ADAMTS17: variants seen among roughly 807,000 people sequenced by gnomAD.
ADAMTS17 encodes the protein A disintegrin and metalloproteinase with thrombospondin motifs 17.
Under a neutral mutation model 141.5 loss-of-function variants are expected in ADAMTS17, and 113 were observed. That is an observed-to-expected ratio of 0.80 (90% CI 0.69 to 0.93). ADAMTS17 has a LOEUF of 0.93. ADAMTS17 is among the 40% of genes least tolerant of loss of function. ADAMTS17 has a pLI of 0.00. For missense variants in ADAMTS17, 1,659 were observed against 1,517.9 expected, an observed-to-expected ratio of 1.09 and a Z score of -1.54; for synonymous variants, 768 against 630.6, an observed-to-expected ratio of 1.22 and a Z score of -3.27.
At chr15:100,311,264 G>A (rs958085165) in intron 3 of ADAMTS17, among the ~76,000 whole-genome samples, 9 of 152,284 alleles carry the variant, frequency 5.9e-5, no homozygotes, top group South Asian at 4.1e-4. Context: ...ACACTACTGC[G>A]GGAGCTGGCA....
At chr15:100,307,729 C>A (rs74903303) in intron 3 of ADAMTS17, among the ~76,000 whole-genome samples, 6 of 152,260 alleles carry the variant, frequency 3.9e-5, no homozygotes, top group Non-Finnish European at 7.4e-5. Flanking sequence ...TGTCACGTGC[C>A]GCGTGCAGTG....
chr15:100,241,520 A>T (rs2042827006), intron 7 of ADAMTS17, among the ~76,000 whole-genome samples: 1 of 152,016 alleles, frequency 6.6e-6, no homozygotes, highest in Non-Finnish European at 1.5e-5. Flanking sequence ...TTTACTTCTC[A>T]CTCATGTAAC....
At chr15:100,091,748 C>A (rs1444100334) in intron 15 of ADAMTS17, among the ~76,000 whole-genome samples, 1 of 152,194 alleles carries the variant, frequency 6.6e-6, no homozygotes, top group South Asian at 2.1e-4. Flanking sequence ...ACTCTGGCTA[C>A]GTGTACTTGG....
At chr15:100,321,100 CA>C (rs35692695) in intron 3 of ADAMTS17, among the ~76,000 whole-genome samples, 1 of 151,836 alleles carries the variant, frequency 6.6e-6, no homozygotes, top group Admixed American at 6.6e-5. Flanking sequence ...CGTGTAAAAT[CA>C]AGATAAAGCA....
chr15:100,139,023 T>A (rs1215996615), intron 10 of ADAMTS17, among the ~76,000 whole-genome samples: 1 of 152,210 alleles, frequency 6.6e-6, no homozygotes, highest in African/African-American at 2.4e-5. Flanking sequence ...GGACCTGTTT[T>A]GCAAATTGAT....
rs571495469 is a variant in ADAMTS17 at position 100,024,097 on chromosome 15, T to TG, written c.2591+24759_2591+24760insC. The stretch of plus-strand genomic sequence containing the variant: ...AATCTTTTCTAAAGGTTGATTTTTT[T>TG]TTGTTGTTGTTGTTGAGATGGGGTC... On this transcript the variant is annotated intron_variant, in intron 18 of 21. Transcript: ENST00000268070. Among the ~76,000 whole-genome samples, 565 of 152,178 alleles carry TG rather than the reference T, an allele frequency of 3.7e-3. 4 individuals are homozygous for TG. The highest frequency in any genetic ancestry group is 0.034 in the Middle Eastern group (10 of 294).
chr15:100,159,241 T>C lies in ADAMTS17; in HGVS notation c.1182-3921A>G, dbSNP rs145006358. On this transcript the variant is annotated intron_variant, in intron 8 of 21. Transcript: ENST00000268070. ...ACCTAAACAGCCACTGATAGATGGA[T>C]CAATAAAATGTAGTCTATACATACA... is the stretch of plus-strand genomic sequence containing the variant. Among the ~76,000 whole-genome samples the C allele has an allele frequency of 3.7e-3, 567 of 152,288 alleles. 1 individual carries two copies. The highest frequency in any genetic ancestry group is 0.013 in the African/African-American group (542 of 41,554).
chr15:100,079,722 T>C (rs2034608480), intron 15 of ADAMTS17, among the ~76,000 whole-genome samples: 2 of 152,158 alleles, frequency 1.3e-5, no homozygotes, highest in Admixed American at 1.3e-4. Flanking sequence ...ACTCCGGATA[T>C]GGGTTTGCCT....
chr15:100,323,940 T>C lies in ADAMTS17; in HGVS notation c.616+6949A>G, dbSNP rs569975866. Among the ~76,000 whole-genome samples, 414 of 151,928 alleles carry C rather than the reference T, an allele frequency of 2.7e-3. 1 individual carries two copies. Among genetic ancestry groups the C allele is most frequent in the Non-Finnish European group, 4.5e-3 (309 of 67,988 alleles). ...CCCCTATGTCAGGTCAGTCTGGTGGTTGCTTCCGGGGAATAAGCCAGAGCC... is the reference window on the plus strand; with the variant it reads ...CCCCTATGTCAGGTCAGTCTGGTGGCTGCTTCCGGGGAATAAGCCAGAGCC... On this transcript the variant is annotated intron_variant, in intron 3 of 21. Coordinates refer to ENST00000268070, the MANE Select transcript of ADAMTS17 (RefSeq NM_139057.4).
intron 8 of ADAMTS17, among the ~76,000 whole-genome samples, chr15:100,173,524 A>G (rs577854644): frequency 1.3e-5 from 2 of 152,296 alleles, no homozygotes; most frequent in South Asian, 4.1e-4. Flanking sequence ...CTGCCTTTTA[A>G]AAGTGCTCAC....
chr15:100,088,516 T>G (rs77081713), intron 15 of ADAMTS17, among the ~76,000 whole-genome samples: 49,876 of 151,604 alleles, frequency 0.33, 10,499 homozygotes, highest in East Asian at 0.58. Flanking sequence ...ACCAAAAAAA[T>G]AGCCCGCATC....
In ADAMTS17 at chr15:100,337,830, G is replaced by A. The variant is rs562440075; in HGVS notation, c.450+3209C>T. Reference sequence around the variant, plus strand: ...ATTCTTTTCAGAGCCTGACGCTCATGCTGTTCTTGAAGTGCCCTCTCCGCT... The same window carrying A: ...ATTCTTTTCAGAGCCTGACGCTCATACTGTTCTTGAAGTGCCCTCTCCGCT... On this transcript the variant is annotated intron_variant, in intron 2 of 21. Coordinates refer to ENST00000268070, the MANE Select transcript of ADAMTS17 (RefSeq NM_139057.4). Among the ~76,000 whole-genome samples, 51 of 152,362 alleles carry A rather than the reference G, an allele frequency of 3.3e-4. 2 individuals carry two copies. The highest frequency in any genetic ancestry group is 1.0e-3 in the African/African-American group (43 of 41,588).
At chr15:100,147,384 T>C (rs1329646482) in intron 10 of ADAMTS17, among the ~76,000 whole-genome samples, 2 of 152,126 alleles carry the variant, frequency 1.3e-5, no homozygotes, top group East Asian at 1.9e-4. Flanking sequence ...GTAAACATCA[T>C]AGAGTGCACA....
At chr15:100,083,533 C>A (rs2034888176) in intron 15 of ADAMTS17, among the ~76,000 whole-genome samples, 1 of 152,066 alleles carries the variant, frequency 6.6e-6, no homozygotes, top group South Asian at 2.1e-4. Flanking sequence ...GTTCAATCAT[C>A]CAGAAAGAAA....
At chr15:100,236,826 A>T (rs2042672004) in intron 7 of ADAMTS17, among the ~76,000 whole-genome samples, 1 of 152,168 alleles carries the variant, frequency 6.6e-6, no homozygotes, top group Non-Finnish European at 1.5e-5. Context: ...CAACAGAGTG[A>T]GACTCCTGAC....
chr15:100,048,331 C>T (rs1248707249), intron 18 of ADAMTS17, among the ~76,000 whole-genome samples: 1 of 152,126 alleles, frequency 6.6e-6, no homozygotes, highest in African/African-American at 2.4e-5. Context: ...CAATTCATCT[C>T]CTGACAACCC....
At chr15:100,230,944 G>C (rs74037589) in intron 7 of ADAMTS17, among the ~76,000 whole-genome samples, 1 of 152,282 alleles carries the variant, frequency 6.6e-6, no homozygotes, top group Non-Finnish European at 1.5e-5. Context: ...GGAGGAGACA[G>C]AGGGATTAGC....
intron 15 of ADAMTS17, among the ~76,000 whole-genome samples, chr15:100,088,788 T>G (rs2035268380): frequency 6.6e-6 from 1 of 152,220 alleles, no homozygotes. Context: ...GCTAGCCATA[T>G]GTAGAAAGCT....
chr15:100,305,510 G>A (rs1264938430), intron 3 of ADAMTS17, among the ~76,000 whole-genome samples: 11 of 152,206 alleles, frequency 7.2e-5, no homozygotes, highest in Admixed American at 5.2e-4. Flanking sequence ...AGATGGCCCT[G>A]GTTCACGTCC....
Sources: gnomAD v4.1 joint callset for allele counts (sites outside exome capture counted in the v4.1 genomes callset) on GRCh38, gnomAD v4.1.1 for gene constraint, MANE v1.5 for transcripts, NCBI Gene and HGNC (gene_info 2026-07-23, HGNC 2026-07-21) for gene names.